CNBD1: variants seen among roughly 807,000 people sequenced by gnomAD.
The protein encoded by CNBD1 is cyclic nucleotide binding domain containing 1, also known as cyclic nucleotide-binding domain-containing protein 1.
CNBD1 carries 71 observed loss-of-function variants against 54.4 expected under a neutral mutation model. The observed-to-expected ratio is 1.30, with a 90% CI of 1.08 to 1.59. The LOEUF is 1.59. Ranked by LOEUF, CNBD1 falls within the 40% of genes most tolerant of loss-of-function variation. CNBD1 has a pLI of 0.00. For missense variants in CNBD1, 659 were observed against 518.0 expected (o/e 1.27, Z -2.64); for synonymous variants, 182 against 170.7 (o/e 1.07, Z -0.51).
At chr8:87,378,328 G>A (rs1460860914) in intron 10 of CNBD1, among the ~76,000 whole-genome samples, 3 of 146,942 alleles carry the variant, frequency 2.0e-5, no homozygotes, top group Non-Finnish European at 4.5e-5. Flanking sequence ...ATTGATTTTT[G>A]TATAAGGTGT....
chr8:86,976,311 A>G (rs1586174961), intron 4 of CNBD1, among the ~76,000 whole-genome samples: 2 of 151,022 alleles, frequency 1.3e-5, no homozygotes, highest in East Asian at 3.9e-4. Flanking sequence ...ATCCAGACCA[A>G]TGTCACGGAG....
intron 4 of CNBD1, among the ~76,000 whole-genome samples, chr8:87,121,237 A>G (rs1288981860): frequency 6.6e-6 from 1 of 151,878 alleles, no homozygotes; most frequent in Non-Finnish European, 1.5e-5. Flanking sequence ...CCATGAAATC[A>G]GTCAAATCAT....
chr8:86,873,121 G>T (rs763265732), intron 1 of CNBD1, among the ~76,000 whole-genome samples: 1 of 147,010 alleles, frequency 6.8e-6, no homozygotes, highest in Non-Finnish European at 1.5e-5. Flanking sequence ...TTTTTTTTGA[G>T]ATGGAGTTTC....
At chr8:87,099,355 G>A (rs1811384440) in intron 4 of CNBD1, among the ~76,000 whole-genome samples, 1 of 152,102 alleles carries the variant, frequency 6.6e-6, no homozygotes, top group South Asian at 2.1e-4. Context: ...TAAGTGAAAT[G>A]GAAAGCCTTT....
At chr8:87,425,640 G>A (rs1270297471) in intron 2 of CNBD1, among the ~76,000 whole-genome samples, 15 of 152,104 alleles carry the variant, frequency 9.9e-5, no homozygotes, top group Admixed American at 7.2e-4. Context: ...CGGGGGTCAG[G>A]GGTCAGGGAC....
intron 4 of CNBD1, among the ~76,000 whole-genome samples, chr8:87,045,335 A>T (rs1224087617): frequency 6.6e-6 from 1 of 152,124 alleles, no homozygotes; most frequent in Non-Finnish European, 1.5e-5. Flanking sequence ...TCAAGAAGGG[A>T]TTGTAGCTAC....
At chr8:87,398,138 T>A (rs947869033) in intron 2 of CNBD1, among the ~76,000 whole-genome samples, 13 of 140,988 alleles carry the variant, frequency 9.2e-5, no homozygotes, top group Non-Finnish European at 4.6e-5. Context: ...GCCTGGATTA[T>A]ACCTGTGTTG....
At chr8:87,393,187 G>T (rs995771698) in intron 2 of CNBD1, among the ~76,000 whole-genome samples, 1 of 151,856 alleles carries the variant, frequency 6.6e-6, no homozygotes, top group African/African-American at 2.4e-5. Context: ...ATATTACCAA[G>T]TGGATGTTCC....
intron 1 of CNBD1, among the ~76,000 whole-genome samples, chr8:86,871,379 C>A (rs1808441238): frequency 6.6e-6 from 1 of 152,246 alleles, no homozygotes; most frequent in African/African-American, 2.4e-5. Flanking sequence ...GAACTGATCT[C>A]TGGTCTTCCT....
rs551297488 is a variant in CNBD1, at chr8:87,391,275, C to T, written c.214-37271C>T. Among the ~76,000 whole-genome samples the T allele has an allele frequency of 3.3e-5, 5 of 151,748 alleles. No homozygotes were observed. In the South Asian group the frequency reaches 8.3e-4, roughly 25 times the overall value. On this transcript the variant is annotated intron_variant, in intron 2 of 7. Coordinates refer to the CNBD1 transcript ENST00000521593. ...GAAATTTCAAATAAAAAAAAGATAA[C>T]GATTGCAGATACCTCAAATTGATGC... is the stretch of plus-strand genomic sequence containing the variant.
intron 4 of CNBD1, among the ~76,000 whole-genome samples, chr8:87,024,942 T>G (rs2453449): frequency 6.6e-6 from 1 of 152,020 alleles, no homozygotes; most frequent in East Asian, 1.9e-4. Context: ...CTTTCCTGAG[T>G]GCATAGAAAC....
chr8:87,383,711 T>C (rs749751600), downstream of CNBD1, among the ~76,000 whole-genome samples: 5 of 152,246 alleles, frequency 3.3e-5, no homozygotes, highest in Non-Finnish European at 7.4e-5. Context: ...TAGAATTATG[T>C]CACCTTTCTC....
At chr8:86,928,792 A>C (rs1342288104) in intron 3 of CNBD1, among the ~76,000 whole-genome samples, 1 of 152,234 alleles carries the variant, frequency 6.6e-6, no homozygotes, top group Non-Finnish European at 1.5e-5. Context: ...ACAACTTGTC[A>C]GATGGTCTGT....
Position 87,126,160 on chromosome 8 carries a change from C to T in CNBD1, c.432-79833C>T. On this transcript the variant is annotated intron_variant, in intron 4 of 10. Transcript: ENST00000518476. The stretch of plus-strand genomic sequence containing the variant: ...ATTCATGAACAAGTCTATTTAAAGA[C>T]ATGTGCTTTCATTTCTCTGGAGTAA... Among the ~76,000 whole-genome samples the T allele has an allele frequency of 1.3e-5, 2 of 151,910 alleles. 1 individual carries two copies. Among genetic ancestry groups the T allele is most frequent in the South Asian group, 4.1e-4 (2 of 4,832 alleles).
intron 5 of CNBD1, among the ~76,000 whole-genome samples, chr8:87,234,489 C>T (rs1023059386): frequency 2.6e-5 from 4 of 152,172 alleles, no homozygotes; most frequent in Non-Finnish European, 4.4e-5. Flanking sequence ...TTTACTTACA[C>T]AATTCCGTCA....
At chr8:86,892,825 T>C (rs7831076) in intron 2 of CNBD1, among the ~76,000 whole-genome samples, 1 of 152,190 alleles carries the variant, frequency 6.6e-6, no homozygotes, top group East Asian at 1.9e-4. Context: ...GTGAGAACCT[T>C]TCTTTTTCTT....
Position 87,382,727 on chromosome 8 carries a change from G to A in CNBD1, c.*100G>A. On this transcript the variant is annotated 3_prime_UTR_variant, in exon 11 of 11. Transcript: ENST00000518476. Reference sequence around the variant, plus strand: ...CTATCAAACTACCAGCAATGAATTTGGTCTATTGTGACTACATATCCTGGA... The same window carrying A: ...CTATCAAACTACCAGCAATGAATTTAGTCTATTGTGACTACATATCCTGGA... 1 of 932,034 alleles carries A rather than the reference G, an allele frequency of 1.1e-6. No individual in the cohort carries two copies. The highest frequency in any genetic ancestry group is 2.7e-5 in the East Asian group (1 of 37,074). 57.7% of individuals were successfully genotyped at this position (932,034 alleles called of 1,614,324 possible).
chr8:87,318,089 A>AT (rs200026111), intron 8 of CNBD1, among the ~76,000 whole-genome samples: 2,012 of 151,836 alleles, frequency 0.013, 34 homozygotes, highest in African/African-American at 0.046. Flanking sequence ...TTAAAATGCT[A>AT]TTTTTTTCAC....
intron 3 of CNBD1, among the ~76,000 whole-genome samples, chr8:86,931,771 T>G (rs556544881): frequency 1.3e-5 from 2 of 152,254 alleles, no homozygotes; most frequent in Admixed American, 6.5e-5. Flanking sequence ...GGTAATAAGC[T>G]TATCTTTTAG....
Sources: allele counts gnomAD v4.1 joint callset (sites outside exome capture counted in the v4.1 genomes callset), GRCh38; gene constraint gnomAD v4.1.1; transcripts MANE v1.5; gene names NCBI Gene and HGNC (gene_info 2026-07-23, HGNC 2026-07-21).